ADAMTS6: variants seen among roughly 807,000 people sequenced by gnomAD.
ADAMTS6 encodes the protein A disintegrin and metalloproteinase with thrombospondin motifs 6.
Under a neutral mutation model 144.3 loss-of-function variants are expected in ADAMTS6, and 23 were observed. The ratio of observed to expected loss-of-function variants is 0.16; its 90% CI spans 0.11 to 0.23. The LOEUF is 0.23. ADAMTS6 is among the 10% of genes least tolerant of loss of function. ADAMTS6 has a pLI of 1.00. For synonymous variants in ADAMTS6, 444 were observed against 457.5 expected (o/e 0.97, Z 0.38); for missense variants, 999 against 1,379.6 (o/e 0.72, Z 4.37).
intron 11 of ADAMTS6, among the ~76,000 whole-genome samples, chr5:65,275,407 GAAAGAAAGA>G (rs1257128593): frequency 9.2e-4 from 110 of 119,980 alleles, no homozygotes; most frequent in African/African-American, 3.2e-3. Flanking sequence ...AAGAAAGAAA[GAAAGAAAGA>G]AAAGAAAGAA....
intron 14 of ADAMTS6, among the ~76,000 whole-genome samples, chr5:65,250,034 T>C (rs185555443): frequency 9.7e-4 from 148 of 152,302 alleles, no homozygotes; most frequent in Non-Finnish European, 1.6e-3. Context: ...AGATAGAAAT[T>C]CCATGCTTTA....
chr5:65,470,728 C>T (rs770781804), intron 3 of ADAMTS6, 50 bp downstream of exon 3: 2 of 1,464,540 alleles, frequency 1.4e-6, no homozygotes, highest in South Asian at 2.9e-5. Flanking sequence ...ATTTACATTG[C>T]AAAATTCTTA....
rs142395541 is a variant in ADAMTS6, at chr5:65,159,664, C to T, written c.3245-7719G>A. ...TCTTGCCACGCCTGGAACAGTACTG[C>T]TCATATTGTCAAAATTATTTGTATG... On this transcript the variant is annotated intron_variant, in intron 24 of 24. Coordinates refer to ENST00000381055, the MANE Select transcript of ADAMTS6 (RefSeq NM_197941.4). 9.5e-4 allele frequency among the ~76,000 whole-genome samples: 144 copies of T among 152,352 alleles called. No individual in the cohort carries two copies. The East Asian group carries it at 0.011, about 12-fold the overall frequency.
At chr5:65,401,865 T>C (rs1456002703) in intron 7 of ADAMTS6, among the ~76,000 whole-genome samples, 1 of 152,088 alleles carries the variant, frequency 6.6e-6, no homozygotes, top group Non-Finnish European at 1.5e-5. Context: ...AATTCTTTGA[T>C]TTTCTCACTT....
intron 18 of ADAMTS6, among the ~76,000 whole-genome samples, chr5:65,222,806 C>T (rs142308192): frequency 1.3e-5 from 2 of 151,736 alleles, no homozygotes; most frequent in Middle Eastern, 3.4e-3. Flanking sequence ...AATATTGGAG[C>T]AGGTAAAATT....
chr5:65,208,459 A>G (rs1561281380), intron 20 of ADAMTS6, among the ~76,000 whole-genome samples: 2 of 152,142 alleles, frequency 1.3e-5, no homozygotes, highest in Non-Finnish European at 2.9e-5. Flanking sequence ...ATTTCAAGCT[A>G]GTGAAGGAGA....
intron 3 of ADAMTS6, 117 bp downstream of exon 3, chr5:65,470,661 C>A: frequency 2.5e-6 from 2 of 790,690 alleles, no homozygotes; most frequent in Middle Eastern, 4.3e-4. Flanking sequence ...AAACTATTAC[C>A]TTCCTACTTA....
intron 7 of ADAMTS6, among the ~76,000 whole-genome samples, chr5:65,347,915 T>C (rs765463061): frequency 1.3e-5 from 2 of 152,028 alleles, no homozygotes; most frequent in Admixed American, 1.3e-4. Context: ...AAGAAACATA[T>C]GAAAGAATGT....
chr5:65,327,863 A>G (rs1746318999), intron 9 of ADAMTS6, among the ~76,000 whole-genome samples: 1 of 152,230 alleles, frequency 6.6e-6, no homozygotes, highest in Non-Finnish European at 1.5e-5. Context: ...TCACATACAC[A>G]GTGTTCACCC....
intron 7 of ADAMTS6, among the ~76,000 whole-genome samples, chr5:65,409,472 C>T (rs1358616693): frequency 6.6e-6 from 1 of 152,122 alleles, no homozygotes; most frequent in African/African-American, 2.4e-5. Context: ...CCTGAATAGA[C>T]CAATAACAGG....
intron 18 of ADAMTS6, among the ~76,000 whole-genome samples, chr5:65,223,942 G>A (rs1029698690): frequency 1.3e-5 from 2 of 151,814 alleles, no homozygotes; most frequent in Non-Finnish European, 2.9e-5. Flanking sequence ...TGGGACTACA[G>A]GCGCCCACCA....
At chr5:65,245,585 AG>A (rs1321696309) in intron 14 of ADAMTS6, among the ~76,000 whole-genome samples, 1 of 152,170 alleles carries the variant, frequency 6.6e-6, no homozygotes, top group Non-Finnish European at 1.5e-5. Context: ...ATTATATTAT[AG>A]CTAAATTTTA....
chr5:65,271,271 C>G (rs1421418748), intron 12 of ADAMTS6, among the ~76,000 whole-genome samples: 1 of 151,196 alleles, frequency 6.6e-6, no homozygotes, highest in Non-Finnish European at 1.5e-5. Flanking sequence ...GCCTGTAATC[C>G]CAGCTACTCA....
intron 14 of ADAMTS6, among the ~76,000 whole-genome samples, chr5:65,252,916 C>T (rs557833207): frequency 1.3e-5 from 2 of 151,976 alleles, no homozygotes; most frequent in Admixed American, 6.6e-5. Context: ...TTTGTTGAGA[C>T]AGGGTCTCTG....
rs6861076 is a variant in ADAMTS6, at chr5:65,404,232, G to C, written c.1073+47243C>G. On this transcript the variant is annotated intron_variant, in intron 7 of 24. Transcript: ENST00000381055. Reference sequence around the variant, plus strand: ...ACATATGTATACAAATGCCATGTTGGTGTGCTGCACCAATCAACTCGTCAT... The same window carrying C: ...ACATATGTATACAAATGCCATGTTGCTGTGCTGCACCAATCAACTCGTCAT... Among the ~76,000 whole-genome samples the C allele has an allele frequency of 2.0e-5, 3 of 151,766 alleles. No homozygotes were observed. In the South Asian group the frequency reaches 6.2e-4, roughly 31 times the overall value.
chr5:65,329,625 T>C (rs1446816389), intron 8 of ADAMTS6, 142 bp from the exon 9 acceptor site: 2 of 610,498 alleles, frequency 3.3e-6, no homozygotes, highest in African/African-American at 1.9e-5. Flanking sequence ...TTCTAGTCAT[T>C]TGCAAAATCA....
intron 7 of ADAMTS6, among the ~76,000 whole-genome samples, chr5:65,412,118 G>C (rs1002855652): frequency 3.3e-5 from 5 of 152,084 alleles, no homozygotes; most frequent in Non-Finnish European, 7.4e-5. Context: ...AAAGTAACTT[G>C]CCTCAATTTC....
intron 11 of ADAMTS6, among the ~76,000 whole-genome samples, chr5:65,283,324 G>T (rs903240263): frequency 4.6e-5 from 7 of 151,846 alleles, no homozygotes; most frequent in Non-Finnish European, 7.4e-5. Flanking sequence ...TACGGGTAAT[G>T]GGAAATTTAA....
chr5:65,405,167 A>G (rs1395365425), intron 7 of ADAMTS6, among the ~76,000 whole-genome samples: 1 of 152,136 alleles, frequency 6.6e-6, no homozygotes, highest in African/African-American at 2.4e-5. Context: ...CCAATTGTCA[A>G]TTTTGGCTTT....
Sources: gnomAD v4.1 joint callset for allele counts (sites outside exome capture counted in the v4.1 genomes callset) on GRCh38, gnomAD v4.1.1 for gene constraint, MANE v1.5 for transcripts, NCBI Gene and HGNC (gene_info 2026-07-23, HGNC 2026-07-21) for gene names.